The following CAPN13 variants were observed in gnomAD, a reference collection of about 807,000 sequenced individuals.
CAPN13 encodes the protein calpain-13.
CAPN13 carries 90 observed loss-of-function variants against 98.4 expected under a neutral mutation model. The observed-to-expected ratio is 0.92, with a 90% confidence interval of 0.77 to 1.09. The LOEUF (loss-of-function observed/expected upper bound fraction) is 1.09. Among genes scored for constraint, CAPN13 ranks in the 50% least tolerant of loss-of-function variants. The probability of loss-of-function intolerance (pLI) is 0.00; values close to 1 mark genes in which losing one functional copy is unlikely to be tolerated. For synonymous variants in CAPN13, 330 were observed against 305.5 expected (o/e 1.08, Z -0.84); for missense variants, 887 against 841.3 (o/e 1.05, Z -0.67).
intron 8 of CAPN13, among the ~76,000 whole-genome samples, chr2:30,756,822 A>G (rs1414244110): frequency 6.6e-6 from 1 of 152,214 alleles, no homozygotes; most frequent in Non-Finnish European, 1.5e-5. Context: ...TCGCAGGGGC[A>G]TCTAAGGTCA....
chr2:30,752,193 C>G (rs140189777), intron 10 of CAPN13, among the ~76,000 whole-genome samples: 1 of 152,338 alleles, frequency 6.6e-6, no homozygotes, highest in East Asian at 1.9e-4. Context: ...GAGGGACACC[C>G]TGGGTTATGG....
chr2:30,759,187 A>C (rs1447510801), intron 7 of CAPN13, among the ~76,000 whole-genome samples: 155 of 110,528 alleles, frequency 1.4e-3, no homozygotes, highest in South Asian at 1.6e-3. Flanking sequence ...TCCTCCTTCC[A>C]TCCCTCCCTT....
intron 1 of CAPN13, among the ~76,000 whole-genome samples, chr2:30,802,549 G>T (rs867596180): frequency 2.7e-4 from 41 of 150,424 alleles, no homozygotes; most frequent in Admixed American, 1.5e-3. Flanking sequence ...GGCTGGGGGG[G>T]GGGGGTGGTG....
intron 1 of CAPN13, among the ~76,000 whole-genome samples, chr2:30,804,822 G>C (rs1675508067): frequency 6.6e-6 from 1 of 152,210 alleles, no homozygotes; most frequent in South Asian, 2.1e-4. Context: ...ACCTTGAGGA[G>C]AGATGGAATG....
In CAPN13 at chr2:30,734,446, T is replaced by C. The variant is rs769656072; in HGVS notation, c.1798+3A>G. ...CACCACAGCTCCAAAGTCCCCATTG[T>C]ACCTGTATTCTCTATGGCCTTCCAC... On this transcript the variant is annotated splice_donor_region_variant and intron_variant, in intron 19 of 22. Coordinates refer to ENST00000295055, the MANE Select transcript of CAPN13 (RefSeq NM_144575.3). 1 of 1,612,768 alleles carries C rather than the reference T, an allele frequency of 6.2e-7. No homozygotes were observed. Among genetic ancestry groups the C allele is most frequent in the Middle Eastern group, 1.7e-4 (1 of 6,060 alleles).
At chr2:30,736,753 T>A in intron 17 of CAPN13, 182 bp from the exon 18 acceptor site, 1 of 594,136 alleles carries the variant, frequency 1.7e-6, no homozygotes, top group Non-Finnish European at 3.0e-6. Context: ...TTAGATTTGT[T>A]TTACAAAGAA....
intron 1 of CAPN13, among the ~76,000 whole-genome samples, chr2:30,792,983 T>C (rs538536833): frequency 6.6e-6 from 1 of 151,994 alleles, no homozygotes; most frequent in African/African-American, 2.4e-5. Context: ...TAAAAACTGT[T>C]AGAAAACTAG....
chr2:30,730,447 C>CT (rs1262064955), intron 22 of CAPN13, among the ~76,000 whole-genome samples: 2 of 152,196 alleles, frequency 1.3e-5, no homozygotes, highest in African/African-American at 4.8e-5. Flanking sequence ...ATGAGAGATA[C>CT]TTTTTTTCTT....
At chr2:30,804,710 C>A (rs6735205) in intron 1 of CAPN13, among the ~76,000 whole-genome samples, 2 of 152,012 alleles carry the variant, frequency 1.3e-5, no homozygotes, top group African/African-American at 2.4e-5. Flanking sequence ...ATTCTGCTCC[C>A]ATCTTTTGCA....
chr2:30,762,455 TA>T (rs1313523010), intron 7 of CAPN13, among the ~76,000 whole-genome samples: 2 of 152,180 alleles, frequency 1.3e-5, no homozygotes, highest in Non-Finnish European at 2.9e-5. Context: ...AAGCTTAGAC[TA>T]ATGGGATGTG....
intron 5 of CAPN13, among the ~76,000 whole-genome samples, chr2:30,766,037 C>T (rs553697099): frequency 6.6e-6 from 1 of 152,326 alleles, no homozygotes; most frequent in East Asian, 1.9e-4. Flanking sequence ...CATGTGGGTT[C>T]TGGCTCCTGT....
intron 5 of CAPN13, among the ~76,000 whole-genome samples, chr2:30,769,733 T>G (rs1181465712): frequency 6.6e-6 from 1 of 152,222 alleles, no homozygotes; most frequent in Non-Finnish European, 1.5e-5. Flanking sequence ...TCCTAAGTTA[T>G]GGTATTTTGA....
intron 22 of CAPN13, among the ~76,000 whole-genome samples, chr2:30,729,234 A>C (rs1670973100): frequency 6.6e-6 from 1 of 152,204 alleles, no homozygotes; most frequent in African/African-American, 2.4e-5. Context: ...GAAGTGCTTT[A>C]ATGATGTGAT....
intron 8 of CAPN13, 80 bp downstream of exon 8, chr2:30,757,966 G>T: frequency 9.5e-7 from 1 of 1,057,062 alleles, no homozygotes; most frequent in Non-Finnish European, 1.4e-6. Context: ...TGGCTAGATA[G>T]CCCCTGCTCT....
intron 2 of CAPN13, among the ~76,000 whole-genome samples, chr2:30,784,983 G>A (rs1001608349): frequency 6.6e-6 from 1 of 152,148 alleles, no homozygotes; most frequent in African/African-American, 2.4e-5. Flanking sequence ...TACACTGTGG[G>A]TCAAGGACAT....
At chr2:30,752,968 A>G (rs1467171725) in intron 10 of CAPN13, 85 bp downstream of exon 10, 13 of 1,448,652 alleles carry the variant, frequency 9.0e-6, no homozygotes, top group Non-Finnish European at 1.2e-5. Flanking sequence ...AGAATCAAGG[A>G]CCAGAGAGAG....
At chr2:30,731,190 C>T (rs1044018652) in intron 21 of CAPN13, among the ~76,000 whole-genome samples, 154 bp downstream of exon 21, 2 of 152,170 alleles carry the variant, frequency 1.3e-5, no homozygotes, top group African/African-American at 2.4e-5. Context: ...TGGCGGCCAG[C>T]GATATATAAG....
intron 22 of CAPN13, among the ~76,000 whole-genome samples, chr2:30,728,940 G>C (rs768694902): frequency 6.6e-6 from 1 of 152,212 alleles, no homozygotes; most frequent in African/African-American, 2.4e-5. Context: ...GTTGCAATGA[G>C]AGGAAACAGG....
At chr2:30,747,745 G>C (rs1206394669) in intron 11 of CAPN13, among the ~76,000 whole-genome samples, 1 of 152,208 alleles carries the variant, frequency 6.6e-6, no homozygotes, top group Non-Finnish European at 1.5e-5. Context: ...CTGCTGGCAG[G>C]TACATTGTTG....
Sources: allele counts gnomAD v4.1 joint callset (sites outside exome capture counted in the v4.1 genomes callset), GRCh38; gene constraint gnomAD v4.1.1; transcripts MANE v1.5; gene names NCBI Gene and HGNC (gene_info 2026-07-23, HGNC 2026-07-21).